Variants in TTF1 observed in about 807,000 individuals in gnomAD.
The protein encoded by TTF1 is transcription termination factor, RNA polymerase I.
TTF1 carries 64 observed loss-of-function variants against 80.2 expected under a neutral mutation model. That is an observed-to-expected ratio of 0.80 (90% CI 0.65 to 0.98). The LOEUF (loss-of-function observed/expected upper bound fraction) is 0.98, where lower values mean the gene tolerates loss of function less well. Among genes scored for constraint, TTF1 ranks in the 50% least tolerant of loss-of-function variants. The pLI, the probability that TTF1 is intolerant of heterozygous loss-of-function variation, is 0.00. For synonymous variants in TTF1, 372 were observed against 382.7 expected, an observed-to-expected ratio of 0.97 and a Z score of 0.33; for missense variants, 1,023 against 1,086.2, an observed-to-expected ratio of 0.94 and a Z score of 0.82.
intron 9 of TTF1, among the ~76,000 whole-genome samples, chr9:132,379,396 A>G (rs1018559201): frequency 1.3e-5 from 2 of 152,244 alleles, no homozygotes; most frequent in South Asian, 4.1e-4. Context: ...TTAAATTAAG[A>G]TAACTTGTAT....
intron 4 of TTF1, among the ~76,000 whole-genome samples, 192 bp from the exon 5 acceptor site, chr9:132,396,703 T>C (rs1004784014): frequency 1.3e-5 from 2 of 150,948 alleles, no homozygotes; most frequent in African/African-American, 4.9e-5. Context: ...AGTCTCACTC[T>C]GTCACTGAGG....
At chr9:132,383,324 C>A (rs1185915927) in intron 9 of TTF1, among the ~76,000 whole-genome samples, 1 of 151,526 alleles carries the variant, frequency 6.6e-6, no homozygotes, top group Non-Finnish European at 1.5e-5. Flanking sequence ...AAGGACATTA[C>A]TGGGACAACT....
chr9:132,386,862 TC>T (rs1265497101), intron 8 of TTF1, among the ~76,000 whole-genome samples: 1 of 152,072 alleles, frequency 6.6e-6, no homozygotes, highest in East Asian at 1.9e-4. Context: ...TTTGTTTCTC[TC>T]AACAAACCAT....
chr9:132,401,909 C>A lies in TTF1; in HGVS notation c.913G>T (p.Ala305Ser). Residue 305 changes from alanine to serine, a missense_variant, in exon 2 of 11, where the codon GCT becomes TCT. Coordinates refer to ENST00000334270, the MANE Select transcript of TTF1 (RefSeq NM_007344.4). Reference protein sequence around the residue: ...EGSQVGSEVGADMQESRPAVG... With the variant: ...EGSQVGSEVGSDMQESRPAVG... ...GCAGGCCGGGATTCCTGCATATCAG[C>A]CCCAACCTCACTGCCCACTTGTGAT... The A allele has an allele frequency of 6.2e-7, 1 of 1,610,606 alleles. No homozygotes were observed. The highest frequency in any genetic ancestry group is 8.5e-7 in the Non-Finnish European group (1 of 1,178,716).
intron 10 of TTF1, among the ~76,000 whole-genome samples, chr9:132,378,460 T>A (rs1849293168): frequency 7.4e-6 from 1 of 135,952 alleles, no homozygotes; most frequent in Non-Finnish European, 1.6e-5. Flanking sequence ...TGAGTGCATG[T>A]GGTGTGTGTG....
intron 10 of TTF1, among the ~76,000 whole-genome samples, chr9:132,377,964 T>G (rs1403689119): frequency 2.8e-5 from 3 of 105,808 alleles, no homozygotes; most frequent in Admixed American, 1.1e-4. Context: ...GTGCATGTGG[T>G]GTGTGTGAGT....
intron 8 of TTF1, 48 bp downstream of exon 8, chr9:132,388,091 G>T: frequency 1.4e-6 from 2 of 1,447,236 alleles, no homozygotes; most frequent in South Asian, 2.4e-5. Context: ...ACTTCTCTTT[G>T]GCTAGAGACA....
At position 132,396,591 on chromosome 9, in the gene TTF1, A is replaced by G. The variant is rs185800157; in HGVS notation, c.1778-80T>C. 3.5e-4 allele frequency: 398 copies of G among 1,152,962 alleles called. 1 individual carries two copies. Among genetic ancestry groups the G allele is most frequent in the Non-Finnish European group, 4.0e-4 (308 of 761,946 alleles). The allele number at this position is 1,152,962 out of a possible 1,614,324, so 71.4% of individuals were successfully genotyped here. Reference sequence around the variant, plus strand: ...GTAAAAGGAACCCAGAACAGCCCTTATAACAACATGAACTATCCTAAGCCC... The same window carrying G: ...GTAAAAGGAACCCAGAACAGCCCTTGTAACAACATGAACTATCCTAAGCCC... On this transcript the variant is annotated intron_variant, in intron 4 of 10. Transcript: ENST00000334270.
chr9:132,392,006 G>A (rs1849566353), intron 6 of TTF1, 70 bp downstream of exon 6: 10 of 1,603,456 alleles, frequency 6.2e-6, no homozygotes, highest in African/African-American at 2.7e-5. Context: ...GCATTGGATC[G>A]GTTATGGCTG....
At position 132,404,442 on chromosome 9, in the gene TTF1, T is replaced by C. The variant is rs952500348; in HGVS notation, c.-7-1614A>G. 3.9e-5 allele frequency among the ~76,000 whole-genome samples: 6 copies of C among 152,272 alleles called. 1 individual carries two copies. Among genetic ancestry groups the C allele is most frequent in the Admixed American group, 6.5e-5 (1 of 15,298 alleles). On this transcript the variant is annotated intron_variant, in intron 1 of 10. Coordinates refer to ENST00000334270, the MANE Select transcript of TTF1 (RefSeq NM_007344.4). ...AGTGTCCCTTCTGTCAAAGGCTATT[T>C]CCTTCCGTTATAGGAAGGAAAATGT... is the stretch of plus-strand genomic sequence containing the variant.
chr9:132,378,382 T>A (rs1160568384), intron 10 of TTF1, among the ~76,000 whole-genome samples: 15 of 75,562 alleles, frequency 2.0e-4, no homozygotes, highest in East Asian at 1.3e-3. Flanking sequence ...ATGTGGTGTG[T>A]GTGAGTGCAT....
intron 10 of TTF1, among the ~76,000 whole-genome samples, chr9:132,376,535 A>G (rs760450397): frequency 2.0e-5 from 3 of 152,162 alleles, no homozygotes. Flanking sequence ...GAGAAATACC[A>G]GTGCCGTGCA....
chr9:132,391,569 C>T (rs557897355), intron 6 of TTF1, among the ~76,000 whole-genome samples: 2 of 152,154 alleles, frequency 1.3e-5, no homozygotes, highest in African/African-American at 4.8e-5. Context: ...GAACTGGCTG[C>T]AAGGCACTAG....
intron 9 of TTF1, among the ~76,000 whole-genome samples, chr9:132,386,288 A>G (rs1849468508): frequency 6.6e-6 from 1 of 152,156 alleles, no homozygotes; most frequent in Non-Finnish European, 1.5e-5. Context: ...AAAAATGAAA[A>G]ACATATCCAA....
At chr9:132,385,476 A>G (rs1383965242) in intron 9 of TTF1, among the ~76,000 whole-genome samples, 2 of 152,152 alleles carry the variant, frequency 1.3e-5, no homozygotes, top group East Asian at 3.9e-4. Flanking sequence ...CACCCAGCCC[A>G]TCGCTGCCGT....
intron 4 of TTF1, among the ~76,000 whole-genome samples, chr9:132,397,407 C>G (rs1444479128): frequency 6.6e-6 from 1 of 152,190 alleles, no homozygotes; most frequent in Non-Finnish European, 1.5e-5. Context: ...TCGCTCTGAT[C>G]CCATATGACA....
In TTF1 at chr9:132,392,512, G is replaced by A. The variant is rs749112704; in HGVS notation, c.1857-306C>T. On this transcript the variant is annotated intron_variant, in intron 5 of 10. Transcript: ENST00000334270. ...CCTTCCTCCACCCGACCTGGACAGT[G>A]CCTGCATGCTCGCCAGTGCCGTTTA... 1.2e-4 allele frequency among the ~76,000 whole-genome samples: 18 copies of A among 152,168 alleles called. 1 individual carries two copies. The highest frequency in any genetic ancestry group is 6.5e-4 in the Admixed American group (10 of 15,276).
chr9:132,401,340 TA>T, intron 2 of TTF1, 114 bp downstream of exon 2: 1 of 955,798 alleles, frequency 1.0e-6, no homozygotes, highest in Non-Finnish European at 1.4e-6. Flanking sequence ...AATAAATAAA[TA>T]AATAAATAAA....
Position 132,402,576 on chromosome 9 carries a change from T to C in TTF1, c.246A>G (p.Thr82=). The change falls in exon 2 of 11, where the codon ACA becomes ACG. Residue 82 remains threonine, a synonymous_variant. Transcript: ENST00000334270. The part of the protein sequence containing the change: ...ICDETANATS[T]LKKRKKRRYS... ...ATCTTCTCTTTTTTCTCTTTTTGAG[T>C]GTGGAAGTGGCATTTGCAGTCTCAT... 5 of 1,614,140 alleles carry C rather than the reference T, an allele frequency of 3.1e-6. No homozygotes were observed. The highest frequency in any genetic ancestry group is 4.2e-6 in the Non-Finnish European group (5 of 1,180,006).
Sources: gnomAD v4.1 joint callset for allele counts (sites outside exome capture counted in the v4.1 genomes callset) on GRCh38, gnomAD v4.1.1 for gene constraint, MANE v1.5 for transcripts, NCBI Gene and HGNC (gene_info 2026-07-23, HGNC 2026-07-21) for gene names.